The following TRPM3 variants were observed in gnomAD, a reference collection of about 807,000 sequenced individuals.
TRPM3 encodes long transient receptor potential channel 3.
In TRPM3, 77 loss-of-function variants were observed where a neutral mutation model predicts 181.2. That is an observed-to-expected ratio of 0.42 (90% confidence interval 0.35 to 0.51). TRPM3 has a LOEUF of 0.51. Ranked by LOEUF, TRPM3 falls within the 20% of genes least tolerant of loss-of-function variation. TRPM3 has a pLI of 0.01. For synonymous variants in TRPM3, 745 were observed against 796.4 expected (o/e 0.94, Z 1.09); for missense variants, 1,759 against 2,196.7 (o/e 0.80, Z 3.98).
intron 3 of TRPM3, among the ~76,000 whole-genome samples, chr9:70,851,435 A>G (rs1163107798): frequency 6.6e-6 from 1 of 152,232 alleles, no homozygotes; most frequent in Non-Finnish European, 1.5e-5. Context: ...ATTGGTAATA[A>G]ATAAATGCAT....
At chr9:70,657,584 CATTATTA>C (rs1438681070) in intron 9 of TRPM3, among the ~76,000 whole-genome samples, 2 of 151,996 alleles carry the variant, frequency 1.3e-5, no homozygotes, top group African/African-American at 4.8e-5. Context: ...ATTCCTATGC[CATTATTA>C]TTAAGTTTAG....
At chr9:70,915,590 C>G (rs867363411) in intron 1 of TRPM3, among the ~76,000 whole-genome samples, 1 of 151,770 alleles carries the variant, frequency 6.6e-6, no homozygotes. Context: ...CAGGCATGAG[C>G]CACCACGCCT....
intron 1 of TRPM3, among the ~76,000 whole-genome samples, chr9:71,311,379 C>G (rs555321337): frequency 2.6e-5 from 4 of 152,042 alleles, no homozygotes; most frequent in Non-Finnish European, 5.9e-5. Flanking sequence ...AAAGTAATAT[C>G]TCTTCAAGAC....
At chr9:70,762,073 T>A (rs2078246055) in intron 7 of TRPM3, among the ~76,000 whole-genome samples, 3 of 152,192 alleles carry the variant, frequency 2.0e-5, no homozygotes, top group Admixed American at 2.0e-4. Context: ...GAATTTGCTA[T>A]AGTACTGTTC....
At chr9:71,184,817 A>T (rs984020170) in intron 1 of TRPM3, among the ~76,000 whole-genome samples, 3 of 152,064 alleles carry the variant, frequency 2.0e-5, no homozygotes, top group Non-Finnish European at 4.4e-5. Context: ...TCCAAATTTA[A>T]TTTCATGTGT....
intron 1 of TRPM3, among the ~76,000 whole-genome samples, chr9:71,278,183 T>G (rs999527563): frequency 6.6e-6 from 1 of 152,218 alleles, no homozygotes; most frequent in Non-Finnish European, 1.5e-5. Flanking sequence ...GGATCTACTA[T>G]GAGGCAACCA....
intron 1 of TRPM3, among the ~76,000 whole-genome samples, chr9:71,277,843 C>T (rs1206978604): frequency 6.6e-6 from 1 of 152,110 alleles, no homozygotes; most frequent in Non-Finnish European, 1.5e-5. Flanking sequence ...GCATCGCACT[C>T]CACACATGGG....
chr9:70,653,656 T>G (rs1201546473), intron 9 of TRPM3, among the ~76,000 whole-genome samples: 1 of 148,432 alleles, frequency 6.7e-6, no homozygotes, highest in African/African-American at 2.5e-5. Context: ...TGCACTTGGT[T>G]TCTGAGTTTG....
chr9:70,998,747 A>C (rs994225440), intron 1 of TRPM3, among the ~76,000 whole-genome samples: 2 of 152,102 alleles, frequency 1.3e-5, no homozygotes, highest in Admixed American at 1.3e-4. Flanking sequence ...GGGATGTATT[A>C]TTTACTCCTG....
At chr9:71,034,653 A>G (rs2057963134) in intron 1 of TRPM3, among the ~76,000 whole-genome samples, 1 of 151,900 alleles carries the variant, frequency 6.6e-6, no homozygotes, top group African/African-American at 2.4e-5. Flanking sequence ...TTTCTTCCCA[A>G]TTCTGTGCTC....
At chr9:70,830,259 A>G (rs7038817) in intron 5 of TRPM3, among the ~76,000 whole-genome samples, 63,998 of 152,096 alleles carry the variant, frequency 0.42, 13,805 homozygotes, top group African/African-American at 0.47. Context: ...AGGAATGAAA[A>G]TAATTCTCAG....
At chr9:70,837,903 G>A (rs764228742) in intron 5 of TRPM3, among the ~76,000 whole-genome samples, 3 of 152,174 alleles carry the variant, frequency 2.0e-5, no homozygotes, top group Non-Finnish European at 2.9e-5. Context: ...TATATTTAAG[G>A]AAATGGGCAT....
At chr9:71,222,501 G>A (rs2080300525) in intron 1 of TRPM3, among the ~76,000 whole-genome samples, 1 of 152,126 alleles carries the variant, frequency 6.6e-6, no homozygotes, top group Non-Finnish European at 1.5e-5. Flanking sequence ...TTGAGGAGGT[G>A]GAACAAGATG....
At chr9:70,937,462 T>G (rs1229110885) in intron 1 of TRPM3, among the ~76,000 whole-genome samples, 1 of 152,228 alleles carries the variant, frequency 6.6e-6, no homozygotes, top group Admixed American at 6.5e-5. Flanking sequence ...ATATTTTATT[T>G]CATTCTTGCT....
At chr9:70,913,298 C>G (rs1336423081) in intron 1 of TRPM3, among the ~76,000 whole-genome samples, 1 of 152,090 alleles carries the variant, frequency 6.6e-6, no homozygotes, top group East Asian at 1.9e-4. Context: ...TTTAGTTCAC[C>G]CAGAAATGCT....
At chr9:71,107,255 G>A (rs1587230821) in intron 1 of TRPM3, among the ~76,000 whole-genome samples, 1 of 152,090 alleles carries the variant, frequency 6.6e-6, no homozygotes, top group South Asian at 2.1e-4. Context: ...TTCCCACTGT[G>A]AGCAATAATC....
intron 1 of TRPM3, among the ~76,000 whole-genome samples, chr9:71,300,932 GA>G (rs1344154879): frequency 1.3e-5 from 2 of 152,142 alleles, no homozygotes; most frequent in Non-Finnish European, 2.9e-5. Flanking sequence ...GTAGCACCTT[GA>G]AATTTGATTC....
chr9:70,839,581 T>A (rs2094519877), intron 5 of TRPM3, among the ~76,000 whole-genome samples: 1 of 152,132 alleles, frequency 6.6e-6, no homozygotes, highest in Admixed American at 6.6e-5. Flanking sequence ...ATAACATAAT[T>A]TATATTTTCC....
intron 1 of TRPM3, among the ~76,000 whole-genome samples, chr9:71,439,590 T>A (rs1239554548): frequency 6.6e-6 from 1 of 152,134 alleles, no homozygotes; most frequent in East Asian, 1.9e-4. Context: ...ACTACTCCCC[T>A]GCTGCCCCAT....
Sources: gnomAD v4.1 joint callset for allele counts (sites outside exome capture counted in the v4.1 genomes callset) on GRCh38, gnomAD v4.1.1 for gene constraint, MANE v1.5 for transcripts, NCBI Gene and HGNC (gene_info 2026-07-23, HGNC 2026-07-21) for gene names.